Variants in SMAD2 observed in about 807,000 individuals in gnomAD.
The protein encoded by SMAD2 is MAD homolog 2.
A neutral mutation model predicts 64.4 loss-of-function variants in SMAD2; 8 were observed. That is an observed-to-expected ratio of 0.12 (90% confidence interval 0.07 to 0.22). The LOEUF (loss-of-function observed/expected upper bound fraction) is 0.22, where lower values mean the gene tolerates loss of function less well. Ranked by LOEUF, SMAD2 falls within the 10% of genes least tolerant of loss-of-function variation. SMAD2 has a pLI of 1.00. For missense variants in SMAD2, 289 were observed against 561.2 expected, an observed-to-expected ratio of 0.51 and a Z score of 4.90; for synonymous variants, 203 against 195.8, an observed-to-expected ratio of 1.04 and a Z score of -0.31.
chr18:47,914,781 C>G (rs1416263661), intron 1 of SMAD2, among the ~76,000 whole-genome samples: 1 of 151,984 alleles, frequency 6.6e-6, no homozygotes, highest in Non-Finnish European at 1.5e-5. Flanking sequence ...GTCAGGGTGA[C>G]CCCCCTTCCT....
rs977069426 is a variant in SMAD2, at chr18:47,836,609, A to G, written c.*5218T>C. 3 of 213,718 alleles carry G rather than the reference A, an allele frequency of 1.4e-5. No individual in the cohort carries two copies. Among genetic ancestry groups the G allele is most frequent in the African/African-American group, 2.3e-5 (1 of 44,224 alleles). 13.2% of individuals were successfully genotyped at this position (213,718 alleles called of 1,614,324 possible). ...AACTGTTAAGTTTGTCTATGAGTGTATATGTATATATAAATTCATACACAT... is the reference window on the plus strand; with the variant it reads ...AACTGTTAAGTTTGTCTATGAGTGTGTATGTATATATAAATTCATACACAT... On this transcript the variant is annotated 3_prime_UTR_variant, in exon 11 of 11. Coordinates refer to ENST00000262160, the MANE Select transcript of SMAD2 (RefSeq NM_005901.6).
At position 47,814,406 on chromosome 18, in the gene SMAD2, A is replaced by G. The variant is rs1846116474; in HGVS notation, c.*27421T>C. The G allele has an allele frequency of 6.6e-6, 1 of 152,246 alleles. No individual in the cohort carries two copies. The highest frequency in any genetic ancestry group is 6.5e-5 in the Admixed American group (1 of 15,286). 9.4% of individuals were successfully genotyped at this position (152,246 alleles called of 1,614,324 possible). ...GGGAGTTCTACATGCTAAGAGCTCC[A>G]TTCACATACTAAAAGCAAAGCTTGG... On this transcript the variant is annotated 3_prime_UTR_variant, in exon 11 of 11. Transcript: ENST00000262160.
At chr18:47,906,329 T>A (rs1181266921) in intron 1 of SMAD2, among the ~76,000 whole-genome samples, 2 of 152,126 alleles carry the variant, frequency 1.3e-5, no homozygotes, top group South Asian at 4.1e-4. Context: ...GCATTTTGGA[T>A]AAGGGATACT....
chr18:47,915,832 G>A (rs2034311655), intron 1 of SMAD2, among the ~76,000 whole-genome samples: 1 of 152,136 alleles, frequency 6.6e-6, no homozygotes, highest in Non-Finnish European at 1.5e-5. Context: ...TCCCCCGTCA[G>A]GCAACTACTG....
intron 1 of SMAD2, among the ~76,000 whole-genome samples, chr18:47,909,105 C>T (rs981830085): frequency 6.6e-6 from 1 of 151,792 alleles, no homozygotes; most frequent in Non-Finnish European, 1.5e-5. Flanking sequence ...GAAGCTGCCA[C>T]TGCAGCTAGG....
chr18:47,871,636 C>A (rs2144388565), intron 2 of SMAD2, among the ~76,000 whole-genome samples: 1 of 152,298 alleles, frequency 6.6e-6, no homozygotes, highest in South Asian at 2.1e-4. Flanking sequence ...CTGAAATTTT[C>A]CAGCATCTCA....
At chr18:47,866,787 T>C (rs537339751) in intron 5 of SMAD2, 1 of 152,280 alleles carries the variant, frequency 6.6e-6, no homozygotes, top group Admixed American at 6.5e-5. Context: ...AAAGCCCCAC[T>C]GTCCAGAAAA....
chr18:47,909,138 A>T (rs184734256), intron 1 of SMAD2, among the ~76,000 whole-genome samples: 27 of 152,126 alleles, frequency 1.8e-4, no homozygotes, highest in African/African-American at 6.3e-4. Context: ...AAGATCTTGC[A>T]CCTTTTGTGA....
chr18:47,906,764 C>T (rs2033921258), intron 1 of SMAD2, among the ~76,000 whole-genome samples: 2 of 152,128 alleles, frequency 1.3e-5, no homozygotes, highest in Non-Finnish European at 2.9e-5. Context: ...TAGTCTTTAG[C>T]TTGTGCTCCC....
At chr18:47,926,754 A>AT (rs2034783587) in intron 1 of SMAD2, among the ~76,000 whole-genome samples, 1 of 152,230 alleles carries the variant, frequency 6.6e-6, no homozygotes, top group South Asian at 2.1e-4. Context: ...TAGGTCCATA[A>AT]TAACAGTGTA....
At position 47,841,726 on chromosome 18, in the gene SMAD2, T is replaced by C; in HGVS notation, c.*101A>G. The C allele has an allele frequency of 1.4e-6, 2 of 1,401,400 alleles. No individual in the cohort carries two copies. The highest frequency in any genetic ancestry group is 2.0e-6 in the Non-Finnish European group (2 of 993,610). The allele number at this position is 1,401,400 out of a possible 1,614,324, so 86.8% of individuals were successfully genotyped here. Reference sequence around the variant, plus strand: ...GAGACCTCAAGTGCTGTTTTCTCTCTTGAACTTTTGGATAGTAAACAGTCC... The same window carrying C: ...GAGACCTCAAGTGCTGTTTTCTCTCCTGAACTTTTGGATAGTAAACAGTCC... On this transcript the variant is annotated 3_prime_UTR_variant, in exon 11 of 11. Transcript: ENST00000262160.
At chr18:47,887,102 C>T (rs2032953810) in intron 2 of SMAD2, among the ~76,000 whole-genome samples, 1 of 152,144 alleles carries the variant, frequency 6.6e-6, no homozygotes, top group South Asian at 2.1e-4. Flanking sequence ...ACTTAGTGAG[C>T]TCCCTTCCAC....
At position 47,834,342 on chromosome 18, in the gene SMAD2, T is replaced by C. The variant is rs1913205924; in HGVS notation, c.*7485A>G. On this transcript the variant is annotated 3_prime_UTR_variant, in exon 11 of 11. Transcript: ENST00000262160. ...TGTACTCTCAATGGAGAATCGCTTT[T>C]GGGCAGTGGTTAAGGCCTCTGATGT... 2 of 208,338 alleles carry C rather than the reference T, an allele frequency of 9.6e-6. No individual in the cohort carries two copies. The highest frequency in any genetic ancestry group is 4.6e-5 in the African/African-American group (2 of 43,946). The allele number at this position is 208,338 out of a possible 1,614,324, so 12.9% of individuals were successfully genotyped here. A position where few individuals can be genotyped will look rare whatever the true frequency, so the allele number is the denominator to read the frequency against.
Position 47,868,512 on chromosome 18 carries a change from A to T in SMAD2, c.521-55T>A, listed in dbSNP as rs2031729811. ...GGCAAAGAGCAAAGGGGAGTGGGGG[A>T]ACCTTTTTTAAAGTTTTCAACAAGA... On this transcript the variant is annotated intron_variant, in intron 4 of 10. Transcript: ENST00000262160. The T allele has an allele frequency of 2.0e-6, 3 of 1,487,444 alleles. No homozygotes were observed. The African/African-American group carries it at 4.1e-5, about 21-fold the overall frequency. The allele number at this position is 1,487,444 out of a possible 1,614,324, so 92.1% of individuals were successfully genotyped here. A position where few individuals can be genotyped will look rare whatever the true frequency, so the allele number is the denominator to read the frequency against.
At chr18:47,896,492 G>T (rs920228503) in intron 2 of SMAD2, 29 bp downstream of exon 2, 9 of 1,611,086 alleles carry the variant, frequency 5.6e-6, no homozygotes, top group South Asian at 3.3e-5. Flanking sequence ...GACATAATTT[G>T]ATCAAACCTG....
At chr18:47,865,280 G>T (rs2031474729) in intron 5 of SMAD2, 147 bp from the exon 6 acceptor site, 2 of 587,124 alleles carry the variant, frequency 3.4e-6, no homozygotes, top group East Asian at 2.9e-5. Context: ...CATACTGAGG[G>T]TGTATAATTC....
Position 47,830,201 on chromosome 18 carries a change from T to C in SMAD2, c.*11626A>G, listed in dbSNP as rs906510367. 2 of 152,196 alleles carry C rather than the reference T, an allele frequency of 1.3e-5. No individual in the cohort carries two copies. The highest frequency in any genetic ancestry group is 1.3e-4 in the Admixed American group (2 of 15,280). 9.4% of individuals were successfully genotyped at this position (152,196 alleles called of 1,614,324 possible). On this transcript the variant is annotated 3_prime_UTR_variant, in exon 11 of 11. Transcript: ENST00000262160. ...TGTGGTTCTTGGGTAAAACAGACAC[T>C]AATAAGTTTTTTTTCAATATAAAAG... is the stretch of plus-strand genomic sequence containing the variant.
rs1018093177 is a variant in SMAD2, at chr18:47,821,877, C to T, written c.*19950G>A. On this transcript the variant is annotated 3_prime_UTR_variant, in exon 11 of 11. Transcript: ENST00000262160. ...ATTCTTGTTAAATATTTTATAGTGACCTGTGATCCTGTTTCGAACTTTTGA... is the reference window on the plus strand; with the variant it reads ...ATTCTTGTTAAATATTTTATAGTGATCTGTGATCCTGTTTCGAACTTTTGA... 5.3e-5 allele frequency: 8 copies of T among 152,046 alleles called. No homozygotes were observed. Among genetic ancestry groups the T allele is most frequent in the African/African-American group, 1.7e-4 (7 of 41,394 alleles). 9.4% of individuals were successfully genotyped at this position (152,046 alleles called of 1,614,324 possible).
At chr18:47,867,424 T>C (rs900548054) in intron 5 of SMAD2, 3 of 152,088 alleles carry the variant, frequency 2.0e-5, no homozygotes, top group African/African-American at 4.8e-5. Context: ...GAAATAATTG[T>C]TTAAATGTAC....
Sources: allele counts gnomAD v4.1 joint callset (sites outside exome capture counted in the v4.1 genomes callset), GRCh38; gene constraint gnomAD v4.1.1; transcripts MANE v1.5; gene names NCBI Gene and HGNC (gene_info 2026-07-23, HGNC 2026-07-21).